Variants in SBNO2 observed in about 807,000 individuals in gnomAD.
SBNO2 encodes protein strawberry notch homolog 2.
A neutral mutation model predicts 146.3 loss-of-function variants in SBNO2; 89 were observed. The observed-to-expected ratio is 0.61, with a 90% CI of 0.51 to 0.73. The LOEUF (loss-of-function observed/expected upper bound fraction) is 0.73, where lower values mean the gene tolerates loss of function less well. Ranked by LOEUF, SBNO2 falls within the 30% of genes least tolerant of loss-of-function variation. The probability of loss-of-function intolerance (pLI) is 0.00; values close to 1 mark genes in which losing one functional copy is unlikely to be tolerated. For synonymous variants in SBNO2, 1,147 were observed against 892.6 expected (o/e 1.29, Z -5.08); for missense variants, 2,092 against 2,003.7 (o/e 1.04, Z -0.84).
intron 1 of SBNO2, among the ~76,000 whole-genome samples, chr19:1,164,404 GGAGGAGGAGGAGGAA>G (rs2080381862): frequency 1.6e-5 from 2 of 126,360 alleles, no homozygotes; most frequent in African/African-American, 3.0e-5. Flanking sequence ...AGGAGGAGGA[GGAGGAGGAGGAGGAA>G]CAGGAGGAGG....
At chr19:1,132,337 T>TGCC in intron 4 of SBNO2, 1 of 1,266,056 alleles carries the variant, frequency 7.9e-7, no homozygotes, top group Non-Finnish European at 1.0e-6. Flanking sequence ...CAGGAAATGA[T>TGCC]GCCGGCCCCG....
chr19:1,161,157 G>T (rs1599878727), intron 1 of SBNO2, among the ~76,000 whole-genome samples: 1 of 5,958 alleles, frequency 1.7e-4, no homozygotes, highest in Admixed American at 1.4e-3. Flanking sequence ...AGTACTGGGG[G>T]TGGGGGTGGG....
At position 1,112,393 on chromosome 19, in the gene SBNO2, C is replaced by CT. The variant is rs2079774981; in HGVS notation, c.2515+8_2515+9insA. The CT allele has an allele frequency of 1.9e-6, 3 of 1,596,748 alleles. No individual in the cohort carries two copies. The highest frequency in any genetic ancestry group is 1.7e-6 in the Non-Finnish European group (2 of 1,175,222). The stretch of plus-strand genomic sequence containing the variant: ...GGCCAGGCAGCGCTGGGGGCGGGGC[C>CT]GGACTCACCGAACTGCTGGATGGCG... On this transcript the variant is annotated intron_variant, in intron 21 of 31. Transcript: ENST00000361757. The surrounding 1 kb of genome is among the most constrained non-coding windows in gnomAD (Gnocchi z 5.9).
In SBNO2 at chr19:1,108,673, C is replaced by G. The variant is rs745967139; in HGVS notation, c.3648G>C (p.Arg1216=). Residue 1216 remains arginine (R), a synonymous_variant, in exon 32 of 32, where the codon CGG becomes CGC. Transcript: ENST00000361757. ...GIKIPEGCVR[R]VLQELRLMDA... ...CCATCAGCCGCAGCTCCTGCAGCAC[C>G]CGGCGCACGCAGCCCTCGGGGATCT... The G allele has an allele frequency of 6.5e-7, 1 of 1,531,002 alleles. No homozygotes were observed. The highest frequency in any genetic ancestry group is 8.7e-7 in the Non-Finnish European group (1 of 1,146,934). The allele number at this position is 1,531,002 out of a possible 1,614,324, so 94.8% of individuals were successfully genotyped here.
rs777504844 is a variant in SBNO2 at position 1,112,216 on chromosome 19, G to A, written c.2601C>T (p.Ser867=). 1.4e-5 allele frequency: 22 copies of A among 1,590,568 alleles called. No individual in the cohort carries two copies. Among genetic ancestry groups the A allele is most frequent in the East Asian group, 1.1e-4 (5 of 43,928 alleles). ...SELAGERRFA[S]IVAKRLESLG... ...GACTCTCCAGGCGCTTGGCCACGAT[G>A]GAGGCGAACCGGCGCTCCCCGGCCA... The change falls in exon 22 of 32, where the codon TCC becomes TCT. Residue 867 remains serine (S), a synonymous_variant. Coordinates refer to ENST00000361757, the MANE Select transcript of SBNO2 (RefSeq NM_014963.3). The surrounding 1 kb of genome is among the most constrained non-coding windows in gnomAD (Gnocchi z 5.9).
chr19:1,142,171 C>A (rs1156355010), intron 4 of SBNO2, among the ~76,000 whole-genome samples: 4 of 151,576 alleles, frequency 2.6e-5, no homozygotes, highest in South Asian at 2.1e-4. Flanking sequence ...ACTCAATGAC[C>A]TCCCTCCCCA....
chr19:1,149,811 A>G (rs750417296), intron 2 of SBNO2, among the ~76,000 whole-genome samples: 8 of 152,108 alleles, frequency 5.3e-5, no homozygotes, highest in Non-Finnish European at 8.8e-5. Context: ...GCCCCATTCT[A>G]GGAGGTGGAG....
chr19:1,122,733 GC>G lies in SBNO2; in HGVS notation c.838del (p.Ala280ProfsTer76). 1 of 1,537,124 alleles carries G rather than the reference GC, an allele frequency of 6.5e-7. No homozygotes were observed. The highest frequency in any genetic ancestry group is 8.7e-7 in the Non-Finnish European group (1 of 1,146,500). ...QRAGFLIGDGAGVGKGRTVAG... is the reference protein window; with the variant it reads ...QRAGFLIGDGXGVGKGRTVAG... Reference sequence around the variant, plus strand: ...CACCGTCCGGCCTTTGCCCACGCCGGCCCCATCGCCGATGAGAAAGCCCGCG... The same window carrying G: ...CACCGTCCGGCCTTTGCCCACGCCGGCCCATCGCCGATGAGAAAGCCCGCG... On this transcript the variant is annotated frameshift_variant, in exon 9 of 32. Coordinates refer to ENST00000361757, the MANE Select transcript of SBNO2 (RefSeq NM_014963.3). LOFTEE classifies it high-confidence loss of function.
chr19:1,147,427 G>GGAGA lies in SBNO2; in HGVS notation c.168-11_168-8dup. 7.7e-7 allele frequency: 1 copy of GGAGA among 1,297,948 alleles called. No individual in the cohort carries two copies. The highest frequency in any genetic ancestry group is 1.0e-6 in the Non-Finnish European group (1 of 975,928). The allele number at this position is 1,297,948 out of a possible 1,614,324, so 80.4% of individuals were successfully genotyped here. A position where few individuals can be genotyped will look rare whatever the true frequency, so the allele number is the denominator to read the frequency against. ...GGCGGAGCTCATGAACGGGCTGGAG[G>GGAGA]GAGATGGGGGGGGGGGAGGTGAGAT... On this transcript the variant is annotated splice_region_variant and splice_polypyrimidine_tract_variant and intron_variant, in intron 3 of 31. Coordinates refer to ENST00000361757, the MANE Select transcript of SBNO2 (RefSeq NM_014963.3).
At chr19:1,166,097 C>T (rs1272258299) in intron 1 of SBNO2, among the ~76,000 whole-genome samples, 1 of 113,662 alleles carries the variant, frequency 8.8e-6, no homozygotes, top group Non-Finnish European at 1.9e-5. Flanking sequence ...ACCCTAGATC[C>T]CAAACCCCAG....
intron 4 of SBNO2, among the ~76,000 whole-genome samples, chr19:1,142,317 A>AACCAAC (rs2080148919): frequency 1.1e-5 from 1 of 92,814 alleles, no homozygotes. Flanking sequence ...CCAGGCCGTG[A>AACCAAC]AGGCTCTCCA....
At chr19:1,161,920 G>GGGGGGGGGGT (rs2080350583) in intron 1 of SBNO2, among the ~76,000 whole-genome samples, 1 of 100,448 alleles carries the variant, frequency 1.0e-5, no homozygotes, top group Non-Finnish European at 2.1e-5. Context: ...GGGGGGGGGG[G>GGGGGGGGGGT]GGGGGTTGGG....
At chr19:1,135,257 G>A (rs933267850) in intron 4 of SBNO2, among the ~76,000 whole-genome samples, 9 of 151,690 alleles carry the variant, frequency 5.9e-5, no homozygotes, top group African/African-American at 1.9e-4. Flanking sequence ...AGCTGCTCAG[G>A]AGGCCATGGC....
rs1488160736 is a variant in SBNO2, at chr19:1,113,686, T to C, written c.2096A>G (p.Gln699Arg). Residue 699 changes from glutamine to arginine, a missense_variant, in exon 19 of 32, where the codon CAG becomes CGG. Gln to Arg is a conservative substitution (Grantham distance 43). Transcript: ENST00000361757. ...SDDRGPLCLL[Q>R]RDPHGPGVLE... Reference sequence around the variant, plus strand: ...GACCCCGGGGCCATGCGGGTCTCTCTGCAGGAGGCACAGGGGTCCTAGGGA... The same window carrying C: ...GACCCCGGGGCCATGCGGGTCTCTCCGCAGGAGGCACAGGGGTCCTAGGGA... The C allele has an allele frequency of 1.3e-6, 2 of 1,585,710 alleles. No individual in the cohort carries two copies. Among genetic ancestry groups the C allele is most frequent in the Non-Finnish European group, 1.7e-6 (2 of 1,167,204 alleles).
In SBNO2 at chr19:1,112,102, T is replaced by G; in HGVS notation, c.2629-35A>C. ...GTGGGGAGGCCATCAGTTGGTCACC[T>G]GGGGTCTGGCCTCTAGCACCCCACA... On this transcript the variant is annotated intron_variant, in intron 22 of 31. Coordinates refer to ENST00000361757, the MANE Select transcript of SBNO2 (RefSeq NM_014963.3). This position sits in a 1 kb window ranked among gnomAD's most constrained non-coding sequence, Gnocchi z 5.9. 6.2e-7 allele frequency: 1 copy of G among 1,610,860 alleles called. No individual in the cohort carries two copies. Among genetic ancestry groups the G allele is most frequent in the Non-Finnish European group, 8.5e-7 (1 of 1,178,920 alleles).
chr19:1,170,231 C>T (rs925357915), intron 1 of SBNO2, among the ~76,000 whole-genome samples: 2 of 152,242 alleles, frequency 1.3e-5, no homozygotes, highest in Non-Finnish European at 2.9e-5. Flanking sequence ...TTGGCCAGAA[C>T]CCCAGGTTTG....
chr19:1,109,058 G>A lies in SBNO2; in HGVS notation c.3425+77C>T, dbSNP rs1434237785. The A allele has an allele frequency of 6.6e-6, 10 of 1,519,890 alleles. No homozygotes were observed. Among genetic ancestry groups the A allele is most frequent in the East Asian group, 4.9e-5 (2 of 40,598 alleles). 94.2% of individuals were successfully genotyped at this position (1,519,890 alleles called of 1,614,324 possible). ...CCCTGAGATCTCCCGCCTCCTCTCA[G>A]GGTCTCGGGAGCCCCCGATCCCCGC... is the stretch of plus-strand genomic sequence containing the variant. On this transcript the variant is annotated intron_variant, in intron 30 of 31. Transcript: ENST00000361757. This position sits in a 1 kb window ranked among gnomAD's most constrained non-coding sequence, Gnocchi z 4.2.
Position 1,150,013 on chromosome 19 carries a change from G to A in SBNO2, c.94-571C>T, listed in dbSNP as rs544008593. On this transcript the variant is annotated intron_variant, in intron 2 of 31. Coordinates refer to ENST00000361757, the MANE Select transcript of SBNO2 (RefSeq NM_014963.3). The surrounding 1 kb of genome is among the most constrained non-coding windows in gnomAD (Gnocchi z 6.2). ...CCCTGACTTCTCAGAAGCTGCACGG[G>A]GCTGGGGTGCGGGGAGCCTGCTTTG... 3.9e-5 allele frequency among the ~76,000 whole-genome samples: 6 copies of A among 152,302 alleles called. No homozygotes were observed. In the East Asian group the frequency reaches 1.2e-3, roughly 29 times the overall value.
chr19:1,108,952 A>T lies in SBNO2; in HGVS notation c.3443T>A (p.Leu1148Gln). ...CAGGCAGTCCTTACCCTCCTGCGCC[A>T]GCCGGCAGTGCCGGTTCCTGCGGAC... ...SHSAWNRHCR[L>Q]AQEGKDCLQG... The change falls in exon 31 of 32, where the codon CTG becomes CAG. Residue 1148 changes from leucine (L) to glutamine (Q), a missense_variant. Transcript: ENST00000361757. 1.9e-6 allele frequency: 3 copies of T among 1,547,440 alleles called. No homozygotes were observed. The highest frequency in any genetic ancestry group is 2.6e-6 in the Non-Finnish European group (3 of 1,153,086).
Sources: gnomAD v4.1 joint callset for allele counts (sites outside exome capture counted in the v4.1 genomes callset) on GRCh38, gnomAD v4.1.1 for gene constraint, Gnocchi (gnomAD v3.1) non-coding constraint, MANE v1.5 for transcripts, NCBI Gene and HGNC (gene_info 2026-07-23, HGNC 2026-07-21) for gene names.